ITGA11: variants seen among roughly 807,000 people sequenced by gnomAD.
The protein encoded by ITGA11 is integrin subunit alpha 11, also known as integrin alpha-11.
In ITGA11, 97 loss-of-function variants were observed where a neutral mutation model predicts 141.9. The observed-to-expected ratio is 0.68, with a 90% CI of 0.58 to 0.81. ITGA11 has a LOEUF of 0.81. Among genes scored for constraint, ITGA11 ranks in the 30% least tolerant of loss-of-function variants. ITGA11 has a pLI of 0.00. For missense variants in ITGA11, 1,387 were observed against 1,559.2 expected, an observed-to-expected ratio of 0.89 and a Z score of 1.86; for synonymous variants, 658 against 624.6, an observed-to-expected ratio of 1.05 and a Z score of -0.80.
chr15:68,351,322 C>A lies in ITGA11; in HGVS notation c.830G>T (p.Ser277Ile), dbSNP rs200444029. 139 of 1,614,038 alleles carry A rather than the reference C, an allele frequency of 8.6e-5. No homozygotes were observed. The highest frequency in any genetic ancestry group is 8.2e-4 in the Middle Eastern group (5 of 6,062). The change falls in exon 8 of 30, where the codon AGC (serine) becomes ATC (isoleucine). Residue 277 changes from serine (S) to isoleucine (I), a missense_variant. Ser to Ile is a moderately radical substitution (Grantham distance 142). Coordinates refer to ENST00000315757, the MANE Select transcript of ITGA11 (RefSeq NM_001004439.2). Reference protein sequence around the residue: ...IVITDGESHDSPDLEKVIQQS... With the variant: ...IVITDGESHDIPDLEKVIQQS... Reference sequence around the variant, plus strand: ...CTGGATCACCTTCTCCAGGTCTGGGCTGTCGTGGGACTCCCCATCTGTGAT... The same window carrying A: ...CTGGATCACCTTCTCCAGGTCTGGGATGTCGTGGGACTCCCCATCTGTGAT...
In ITGA11 at chr15:68,422,935, T is replaced by C. The variant is rs377033980; in HGVS notation, c.52+9080A>G. Among the ~76,000 whole-genome samples, 54 of 152,336 alleles carry C rather than the reference T, an allele frequency of 3.5e-4. No individual in the cohort carries two copies. In the South Asian group the frequency reaches 9.3e-3, roughly 26 times the overall value. On this transcript the variant is annotated intron_variant, in intron 1 of 29. Coordinates refer to ENST00000315757, the MANE Select transcript of ITGA11 (RefSeq NM_001004439.2). ...TCTCTCCTGCTAAACCACAAGCTCC[T>C]TGAAAGGCAGGAGTTATCTCTTCTC...
At chr15:68,431,640 C>A (rs2140450954) in intron 1 of ITGA11, among the ~76,000 whole-genome samples, 1 of 152,354 alleles carries the variant, frequency 6.6e-6, no homozygotes, top group Non-Finnish European at 1.5e-5. Flanking sequence ...CCAGCCGGGG[C>A]CGTGCGCCCT....
chr15:68,347,919 CAT>C (rs1222288229), intron 10 of ITGA11, among the ~76,000 whole-genome samples: 1 of 28,546 alleles, frequency 3.5e-5, no homozygotes, highest in Non-Finnish European at 5.9e-5. Flanking sequence ...GCAGAACACA[CAT>C]ACACACACAC....
Position 68,319,196 on chromosome 15 carries a change from G to A in ITGA11, c.2616+989C>T, listed in dbSNP as rs12591673. On this transcript the variant is annotated intron_variant, in intron 20 of 29. Transcript: ENST00000315757. ...GCGCCAGCTGTGGGGTGGGAATTCC[G>A]CTCTGCGGCTCACCAGCTGTGTGGT... is the stretch of plus-strand genomic sequence containing the variant. Among the ~76,000 whole-genome samples, 188 of 152,330 alleles carry A rather than the reference G, an allele frequency of 1.2e-3. 3 individuals are homozygous for A. The East Asian group carries it at 0.033, about 27-fold the overall frequency.
At chr15:68,364,831 C>G in intron 3 of ITGA11, 33 bp from the exon 4 acceptor site, 3 of 1,589,924 alleles carry the variant, frequency 1.9e-6, no homozygotes, top group Non-Finnish European at 2.6e-6. Flanking sequence ...GCTTGCAGCC[C>G]CCTCCTGCCC....
intron 2 of ITGA11, among the ~76,000 whole-genome samples, chr15:68,390,785 C>G (rs890105632): frequency 4.6e-5 from 7 of 152,208 alleles, no homozygotes; most frequent in African/African-American, 1.4e-4. Flanking sequence ...CAGGTATGCT[C>G]ATTCCTATTT....
intron 10 of ITGA11, among the ~76,000 whole-genome samples, chr15:68,341,338 C>T (rs1013049409): frequency 3.9e-5 from 6 of 152,236 alleles, no homozygotes; most frequent in Admixed American, 6.5e-5. Flanking sequence ...CATTCCTGCA[C>T]GTGGGGTGTG....
rs913583171 is a variant in ITGA11 at position 68,298,073 on chromosome 15, A to G, written c.*4986T>C. 2.0e-5 allele frequency: 3 copies of G among 152,288 alleles called. No individual in the cohort carries two copies. The highest frequency in any genetic ancestry group is 3.9e-4 in the East Asian group (2 of 5,184). The allele number at this position is 152,288 out of a possible 1,614,324, so 9.4% of individuals were successfully genotyped here. On this transcript the variant is annotated 3_prime_UTR_variant, in exon 30 of 30. Transcript: ENST00000315757. ...GCGGAAATCATCCAGACAGGTTTTA[A>G]AACATTTTTTTCTTTGTTTCAAGTA...
chr15:68,370,307 C>T (rs905099232), intron 2 of ITGA11, among the ~76,000 whole-genome samples: 4 of 152,206 alleles, frequency 2.6e-5, no homozygotes, highest in South Asian at 2.1e-4. Flanking sequence ...GGCCAAGCCC[C>T]GGTGGCCGTG....
rs113269026 is a variant in ITGA11 at position 68,312,249 on chromosome 15, AG to A, written c.2973+523del. Reference sequence around the variant, plus strand: ...CAGTCACAACATTCTGGATAAAGAGAGGTCACTGGAAGAGTAAGGAACTGCC... The same window carrying A: ...CAGTCACAACATTCTGGATAAAGAGAGTCACTGGAAGAGTAAGGAACTGCC... On this transcript the variant is annotated intron_variant, in intron 24 of 29. Coordinates refer to ENST00000315757, the MANE Select transcript of ITGA11 (RefSeq NM_001004439.2). Among the ~76,000 whole-genome samples the A allele has an allele frequency of 5.1e-3, 778 of 152,264 alleles. 4 individuals carry two copies. Among genetic ancestry groups the A allele is most frequent in the African/African-American group, 0.018 (738 of 41,546 alleles).
chr15:68,323,315 C>T (rs1199674172), intron 18 of ITGA11, among the ~76,000 whole-genome samples: 1 of 152,012 alleles, frequency 6.6e-6, no homozygotes, highest in Non-Finnish European at 1.5e-5. Flanking sequence ...GTTCAAGTCT[C>T]AAAGAAAAAA....
intron 10 of ITGA11, among the ~76,000 whole-genome samples, chr15:68,348,247 C>T (rs186161866): frequency 1.3e-5 from 2 of 152,302 alleles, no homozygotes; most frequent in Non-Finnish European, 2.9e-5. Context: ...AGCCCCACCC[C>T]AGGACCTCTG....
At chr15:68,327,320 C>T (rs1425419363) in intron 16 of ITGA11, among the ~76,000 whole-genome samples, 1 of 152,220 alleles carries the variant, frequency 6.6e-6, no homozygotes, top group Non-Finnish European at 1.5e-5. Flanking sequence ...TTAGGTTTTG[C>T]CAATTCCCGG....
intron 2 of ITGA11, among the ~76,000 whole-genome samples, chr15:68,381,067 C>T (rs949498695): frequency 4.6e-5 from 7 of 152,092 alleles, no homozygotes; most frequent in African/African-American, 9.7e-5. Flanking sequence ...AAGCCTGGAA[C>T]GGAGTTAACC....
Position 68,320,323 on chromosome 15 carries a change from G to A in ITGA11, c.2478C>T (p.Thr826=). 6.2e-7 allele frequency: 1 copy of A among 1,613,634 alleles called. No homozygotes were observed. The highest frequency in any genetic ancestry group is 8.5e-7 in the Non-Finnish European group (1 of 1,179,706). ...GTGTGCTCTCTATGATGAAGACTGT[G>A]GTGTCGAAGGACAGCGTGTATGCGG... is the stretch of plus-strand genomic sequence containing the variant. ...DCSAYTLSFD[T]TVFIIESTRQ... is the part of the protein sequence containing the mutation. The change falls in exon 20 of 30, where the codon ACC becomes ACT. Residue 826 remains threonine (T), a synonymous_variant. Coordinates refer to ENST00000315757, the MANE Select transcript of ITGA11 (RefSeq NM_001004439.2).
At chr15:68,423,318 T>C (rs1897063271) in intron 1 of ITGA11, among the ~76,000 whole-genome samples, 1 of 151,306 alleles carries the variant, frequency 6.6e-6, no homozygotes, top group Non-Finnish European at 1.5e-5. Context: ...ATTGAGGAGG[T>C]CAGGGGAGGT....
Position 68,308,681 on chromosome 15 carries a change from C to T in ITGA11, c.3175-985G>A, listed in dbSNP as rs996643496. The stretch of plus-strand genomic sequence containing the variant: ...TCACTTGAACCCGGGAGGCGGAGGT[C>T]GCAGTGAGCCGAGATCGTGCCACTG... On this transcript the variant is annotated intron_variant, in intron 26 of 29. Coordinates refer to ENST00000315757, the MANE Select transcript of ITGA11 (RefSeq NM_001004439.2). The surrounding 1 kb of genome is among the most constrained non-coding windows in gnomAD (Gnocchi z 5.2). 4.0e-5 allele frequency among the ~76,000 whole-genome samples: 6 copies of T among 151,780 alleles called. No homozygotes were observed. Among genetic ancestry groups the T allele is most frequent in the African/African-American group, 7.3e-5 (3 of 41,286 alleles).
chr15:68,319,729 G>T (rs1199394587), intron 20 of ITGA11, among the ~76,000 whole-genome samples: 4 of 152,150 alleles, frequency 2.6e-5, no homozygotes, highest in African/African-American at 4.8e-5. Flanking sequence ...CCTAACCAGG[G>T]CCCAGGAGTC....
In ITGA11 at chr15:68,322,259, C is replaced by T. The variant is rs917608736; in HGVS notation, c.2323-756G>A. ...ATTCCTTGCAACTGGTAGGAGTCGC[C>T]GAATGCCTCAGGCAGGGAATGTCCT... is the stretch of plus-strand genomic sequence containing the variant. On this transcript the variant is annotated intron_variant, in intron 18 of 29. Transcript: ENST00000315757. The surrounding 1 kb of genome is among the most constrained non-coding windows in gnomAD (Gnocchi z 5.6). Among the ~76,000 whole-genome samples the T allele has an allele frequency of 1.3e-5, 2 of 152,134 alleles. No homozygotes were observed. Among genetic ancestry groups the T allele is most frequent in the East Asian group, 1.9e-4 (1 of 5,192 alleles).
Sources: gnomAD v4.1 joint callset for allele counts (sites outside exome capture counted in the v4.1 genomes callset) on GRCh38, gnomAD v4.1.1 for gene constraint, Gnocchi (gnomAD v3.1) non-coding constraint, MANE v1.5 for transcripts, NCBI Gene and HGNC (gene_info 2026-07-23, HGNC 2026-07-21) for gene names.